Variants in ANKRD6 observed in about 807,000 individuals in gnomAD.
The protein encoded by ANKRD6 is ankyrin repeat domain-containing protein 6.
Under a neutral mutation model 82.3 loss-of-function variants are expected in ANKRD6, and 56 were observed. The ratio of observed to expected loss-of-function variants is 0.68; its 90% CI spans 0.55 to 0.85. The LOEUF (loss-of-function observed/expected upper bound fraction) is 0.85, where lower values mean the gene tolerates loss of function less well. Ranked by LOEUF, ANKRD6 falls within the 40% of genes least tolerant of loss-of-function variation. The probability of loss-of-function intolerance (pLI) is 0.00; values close to 1 mark genes in which losing one functional copy is unlikely to be tolerated. For missense variants in ANKRD6, 852 were observed against 907.6 expected, an observed-to-expected ratio of 0.94 and a Z score of 0.79; for synonymous variants, 347 against 352.1, an observed-to-expected ratio of 0.99 and a Z score of 0.16.
chr6:89,525,430 G>A (rs956229016), intron 1 of ANKRD6, among the ~76,000 whole-genome samples: 1 of 152,054 alleles, frequency 6.6e-6, no homozygotes, highest in African/African-American at 2.4e-5. Flanking sequence ...GCATTTCCAC[G>A]CTGTTGTTTT....
At chr6:89,540,217 C>T (rs1380618467) in intron 1 of ANKRD6, among the ~76,000 whole-genome samples, 1 of 152,144 alleles carries the variant, frequency 6.6e-6, no homozygotes, top group Non-Finnish European at 1.5e-5. Context: ...AAACTGTTCT[C>T]CATAGTGGTT....
At chr6:89,444,552 T>C (rs950956001) in intron 1 of ANKRD6, among the ~76,000 whole-genome samples, 2 of 152,222 alleles carry the variant, frequency 1.3e-5, no homozygotes, top group African/African-American at 4.8e-5. Flanking sequence ...ATATTGTACT[T>C]TGAAATATAA....
intron 1 of ANKRD6, among the ~76,000 whole-genome samples, chr6:89,489,927 G>A (rs898534049): frequency 2.6e-5 from 4 of 152,240 alleles, no homozygotes; most frequent in African/African-American, 9.6e-5. Context: ...CTCAACAAGA[G>A]TGACCAGAAC....
Position 89,629,230 on chromosome 6 carries a change from C to T in ANKRD6, c.1604C>T (p.Ser535Phe). 6.2e-7 allele frequency: 1 copy of T among 1,613,804 alleles called. No individual in the cohort carries two copies. Among genetic ancestry groups the T allele is most frequent in the Non-Finnish European group, 8.5e-7 (1 of 1,179,842 alleles). ...AAATCCACACCATCTACTTGTGAGT[C>T]CTCTACAGGTAACCCACACACAGAG... ...RAKSTPSTCE[S>F]STGVDQLVVT... is the part of the protein sequence containing the mutation. The change falls in exon 15 of 16, where the codon TCC becomes TTC. Residue 535 changes from serine to phenylalanine, a missense_variant. Transcript: ENST00000339746.
chr6:89,463,822 A>C (rs1200480159), intron 1 of ANKRD6, among the ~76,000 whole-genome samples: 3 of 152,206 alleles, frequency 2.0e-5, no homozygotes, highest in African/African-American at 7.2e-5. Context: ...AAGTGCTGGG[A>C]ATACAAGCAT....
chr6:89,591,912 C>G (rs1474803316), intron 2 of ANKRD6, among the ~76,000 whole-genome samples: 1 of 152,178 alleles, frequency 6.6e-6, no homozygotes, highest in South Asian at 2.1e-4. Flanking sequence ...AGCTCCTGTA[C>G]CATTGTAGCT....
At chr6:89,499,256 T>G (rs1778994433) in intron 1 of ANKRD6, among the ~76,000 whole-genome samples, 1 of 152,210 alleles carries the variant, frequency 6.6e-6, no homozygotes, top group Admixed American at 6.5e-5. Flanking sequence ...AGCCTAAGTT[T>G]CTGAGGGTAA....
intron 2 of ANKRD6, among the ~76,000 whole-genome samples, chr6:89,586,459 C>T (rs191656604): frequency 1.3e-4 from 20 of 152,116 alleles, no homozygotes; most frequent in East Asian, 5.8e-4. Context: ...GAGGCCGAGG[C>T]GGGCGGATCA....
chr6:89,477,097 A>G (rs565157170), intron 1 of ANKRD6, among the ~76,000 whole-genome samples: 20 of 152,084 alleles, frequency 1.3e-4, no homozygotes, highest in African/African-American at 1.7e-4. Flanking sequence ...GGCACCCCCT[A>G]CCACGCCCGG....
At chr6:89,538,077 A>G (rs1784063230) in intron 1 of ANKRD6, among the ~76,000 whole-genome samples, 1 of 152,164 alleles carries the variant, frequency 6.6e-6, no homozygotes, top group Admixed American at 6.5e-5. Flanking sequence ...TTTACCACAC[A>G]TTCAAAAAGT....
At chr6:89,628,825 C>T (rs1056297734) in intron 14 of ANKRD6, 21 of 367,850 alleles carry the variant, frequency 5.7e-5, no homozygotes, top group Admixed American at 4.1e-4. Context: ...ACTTACTAAC[C>T]GTGAGGATGG....
intron 3 of ANKRD6, among the ~76,000 whole-genome samples, chr6:89,601,306 G>A (rs983417932): frequency 2.6e-5 from 4 of 152,054 alleles, no homozygotes; most frequent in Admixed American, 6.5e-5. Context: ...GGGGGAGGTC[G>A]GTGGTGGCAG....
intron 1 of ANKRD6, among the ~76,000 whole-genome samples, chr6:89,461,803 T>C (rs1207816395): frequency 3.3e-5 from 5 of 152,182 alleles, no homozygotes; most frequent in Admixed American, 2.0e-4. Flanking sequence ...AATCTTTACA[T>C]CCCTGGAAGC....
At chr6:89,557,567 T>C (rs556558350) in intron 1 of ANKRD6, among the ~76,000 whole-genome samples, 10 of 152,252 alleles carry the variant, frequency 6.6e-5, no homozygotes, top group East Asian at 1.9e-4. Flanking sequence ...ATTACGTCAA[T>C]GTAAAACCAG....
intron 1 of ANKRD6, among the ~76,000 whole-genome samples, chr6:89,529,193 T>C (rs987475053): frequency 2.0e-5 from 3 of 152,242 alleles, no homozygotes; most frequent in African/African-American, 4.8e-5. Flanking sequence ...TTCATGTACA[T>C]TGAAAAATCT....
Position 89,518,357 on chromosome 6 carries a change from G to A in ANKRD6, c.-143-48477G>A, listed in dbSNP as rs971653488. Among the ~76,000 whole-genome samples the A allele has an allele frequency of 4.6e-5, 7 of 151,304 alleles. No homozygotes were observed. In the South Asian group the frequency reaches 8.4e-4, roughly 18 times the overall value. ...TTAGAGGTGGCGGTGAGCCGAGATC[G>A]CGCCATTGCACTCCACCCTGGGCAA... On this transcript the variant is annotated intron_variant, in intron 1 of 15. Transcript: ENST00000339746.
At chr6:89,540,879 G>C (rs2128005595) in intron 1 of ANKRD6, among the ~76,000 whole-genome samples, 1 of 152,282 alleles carries the variant, frequency 6.6e-6, no homozygotes, top group Middle Eastern at 3.4e-3. Flanking sequence ...TTATTGAAAA[G>C]ACGATCTTTC....
intron 1 of ANKRD6, among the ~76,000 whole-genome samples, chr6:89,492,127 C>T (rs1199349649): frequency 6.6e-6 from 1 of 152,234 alleles, no homozygotes; most frequent in Non-Finnish European, 1.5e-5. Context: ...GGGCCTCAGC[C>T]ATGAACCTAG....
chr6:89,610,382 A>C (rs1055909023), intron 5 of ANKRD6, among the ~76,000 whole-genome samples: 1 of 152,144 alleles, frequency 6.6e-6, no homozygotes, highest in Non-Finnish European at 1.5e-5. Flanking sequence ...TCTTAAACTT[A>C]GCATAATGTT....
Sources: allele counts gnomAD v4.1 joint callset (sites outside exome capture counted in the v4.1 genomes callset), GRCh38; gene constraint gnomAD v4.1.1; transcripts MANE v1.5; gene names NCBI Gene and HGNC (gene_info 2026-07-23, HGNC 2026-07-21).